GABRG1: variants seen among roughly 807,000 people sequenced by gnomAD.
GABRG1 encodes gamma-aminobutyric acid receptor subunit gamma-1.
GABRG1 carries 49 observed loss-of-function variants against 49.8 expected under a neutral mutation model. The observed-to-expected ratio is 0.98, with a 90% CI of 0.78 to 1.25. The LOEUF (loss-of-function observed/expected upper bound fraction) is 1.25, where lower values mean the gene tolerates loss of function less well. Ranked by LOEUF, GABRG1 falls within the 50% of genes most tolerant of loss-of-function variation. GABRG1 has a pLI of 0.00. For synonymous variants in GABRG1, 232 were observed against 185.1 expected, an observed-to-expected ratio of 1.25 and a Z score of -2.06; for missense variants, 552 against 552.3, an observed-to-expected ratio of 1.00 and a Z score of 0.01.
chr4:46,106,320 G>T (rs982243252), intron 1 of GABRG1, among the ~76,000 whole-genome samples: 10 of 151,350 alleles, frequency 6.6e-5, no homozygotes, highest in African/African-American at 2.2e-4. Context: ...ATGTTTGGTT[G>T]ATCAGTCCTT....
chr4:46,085,803 T>C (rs1411380495), intron 2 of GABRG1, among the ~76,000 whole-genome samples: 1 of 151,602 alleles, frequency 6.6e-6, no homozygotes, highest in Non-Finnish European at 1.5e-5. Context: ...ATTGACTAAG[T>C]ACTCTTTCTT....
At chr4:46,047,888 A>G (rs979020257) in intron 8 of GABRG1, among the ~76,000 whole-genome samples, 2 of 152,060 alleles carry the variant, frequency 1.3e-5, no homozygotes, top group African/African-American at 4.8e-5. Context: ...AAAGCAAAGA[A>G]CACATTCTAT....
intron 3 of GABRG1, among the ~76,000 whole-genome samples, chr4:46,081,866 G>A (rs1719586821): frequency 6.6e-6 from 1 of 151,830 alleles, no homozygotes; most frequent in Non-Finnish European, 1.5e-5. Context: ...GGGATGCACA[G>A]GCACAGAGAA....
chr4:46,059,249 C>T (rs1718575873), intron 5 of GABRG1, among the ~76,000 whole-genome samples: 3 of 152,126 alleles, frequency 2.0e-5, no homozygotes, highest in Non-Finnish European at 4.4e-5. Context: ...CATTATTATG[C>T]ATGCCTCCCG....
chr4:46,115,134 GA>G (rs1404381614), intron 1 of GABRG1, among the ~76,000 whole-genome samples: 1 of 150,640 alleles, frequency 6.6e-6, no homozygotes, highest in Non-Finnish European at 1.5e-5. Context: ...GAATTTATAA[GA>G]TATTATTTAA....
At chr4:46,060,577 G>T (rs1226570600) in intron 5 of GABRG1, among the ~76,000 whole-genome samples, 2 of 152,040 alleles carry the variant, frequency 1.3e-5, no homozygotes, top group Non-Finnish European at 2.9e-5. Flanking sequence ...AAGATTGGTA[G>T]CACATTACAT....
Position 46,082,992 on chromosome 4 carries a change from T to A in GABRG1, c.321+994A>T, listed in dbSNP as rs138667365. On this transcript the variant is annotated intron_variant, in intron 3 of 8. Coordinates refer to ENST00000295452, the MANE Select transcript of GABRG1 (RefSeq NM_173536.4). ...CTTTCTCATCTACATCTATATTTTGTCCTAACTTCTTCCCTGATAGCAAAT... is the reference window on the plus strand; with the variant it reads ...CTTTCTCATCTACATCTATATTTTGACCTAACTTCTTCCCTGATAGCAAAT... 9.2e-5 allele frequency among the ~76,000 whole-genome samples: 14 copies of A among 151,798 alleles called. No homozygotes were observed. The East Asian group carries it at 2.7e-3, about 30-fold the overall frequency.
intron 1 of GABRG1, among the ~76,000 whole-genome samples, chr4:46,123,415 A>G (rs1721154657): frequency 6.6e-6 from 1 of 152,136 alleles, no homozygotes; most frequent in Admixed American, 6.6e-5. Flanking sequence ...CATGCTGTGT[A>G]ACAACAAGTT....
intron 3 of GABRG1, among the ~76,000 whole-genome samples, chr4:46,071,283 T>C (rs1022975009): frequency 3.3e-5 from 5 of 151,838 alleles, no homozygotes; most frequent in Non-Finnish European, 5.9e-5. Flanking sequence ...CAGATTATCC[T>C]CTTTCTACTT....
intron 7 of GABRG1, among the ~76,000 whole-genome samples, chr4:46,056,150 T>A (rs1265993144): frequency 0.01 from 467 of 46,018 alleles, 53 homozygotes; most frequent in Middle Eastern, 0.022. Context: ...AATAAATAAA[T>A]TAAAAAAAAA....
chr4:46,082,634 C>T (rs1259899098), intron 3 of GABRG1, among the ~76,000 whole-genome samples: 1 of 151,834 alleles, frequency 6.6e-6, no homozygotes, highest in Non-Finnish European at 1.5e-5. Context: ...ATCAACACCA[C>T]CTACTTGTGA....
intron 1 of GABRG1, among the ~76,000 whole-genome samples, chr4:46,111,786 AT>A (rs1341095819): frequency 1.3e-5 from 2 of 151,342 alleles, no homozygotes; most frequent in Non-Finnish European, 3.0e-5. Context: ...TTGGCTAGCC[AT>A]ACGAAGAAGA....
chr4:46,043,831 A>C (rs1239756189), intron 8 of GABRG1, among the ~76,000 whole-genome samples: 1 of 151,998 alleles, frequency 6.6e-6, no homozygotes, highest in East Asian at 1.9e-4. Context: ...TATTAAGGAT[A>C]TATCTCTGTC....
intron 3 of GABRG1, among the ~76,000 whole-genome samples, chr4:46,080,998 G>A (rs866704690): frequency 6.6e-6 from 1 of 151,806 alleles, no homozygotes; most frequent in Non-Finnish European, 1.5e-5. Context: ...TCAGCTTATT[G>A]TATAGTAATT....
chr4:46,121,636 T>TG, intron 1 of GABRG1, among the ~76,000 whole-genome samples: 1 of 152,048 alleles, frequency 6.6e-6, no homozygotes. Context: ...TGATGCATCT[T>TG]AAAGAAAGCA....
At chr4:46,123,139 CACACAG>C (rs1264821867) in intron 1 of GABRG1, among the ~76,000 whole-genome samples, 2 of 148,638 alleles carry the variant, frequency 1.3e-5, no homozygotes, top group African/African-American at 5.1e-5. Flanking sequence ...CACACACACA[CACACAG>C]AGCCAAGACA....
chr4:46,065,234 A>G (rs1401992933), intron 4 of GABRG1, 130 bp downstream of exon 4: 1 of 587,982 alleles, frequency 1.7e-6, no homozygotes, highest in African/African-American at 1.9e-5. Flanking sequence ...TCACCATTTT[A>G]TATTTTAGCA....
At position 46,051,483 on chromosome 4, in the gene GABRG1, T is replaced by C. The variant is rs776576224; in HGVS notation, c.1072A>G (p.Thr358Ala). The change falls in exon 8 of 9, where the codon ACC becomes GCC. Residue 358 changes from threonine to alanine, a missense_variant. Coordinates refer to ENST00000295452, the MANE Select transcript of GABRG1 (RefSeq NM_173536.4). ...LMEYGTLHYFTSNQKGKTATK... is the reference protein window; with the variant it reads ...LMEYGTLHYFASNQKGKTATK... Reference sequence around the variant, plus strand: ...GCAGTCTTTCCTTTTTGGTTGCTGGTAAAATAATGCAAGGTTCCATATTCC... The same window carrying C: ...GCAGTCTTTCCTTTTTGGTTGCTGGCAAAATAATGCAAGGTTCCATATTCC... 1.2e-6 allele frequency: 2 copies of C among 1,611,014 alleles called. No homozygotes were observed. The highest frequency in any genetic ancestry group is 2.7e-5 in the African/African-American group (2 of 74,740).
chr4:46,103,911 G>A (rs1497559), intron 1 of GABRG1, among the ~76,000 whole-genome samples: 76,569 of 150,968 alleles, frequency 0.51, 19,774 homozygotes, highest in African/African-American at 0.55. Context: ...TAGCAATCAG[G>A]AGCCAAATTC....
Sources: gnomAD v4.1 joint callset for allele counts (sites outside exome capture counted in the v4.1 genomes callset) on GRCh38, gnomAD v4.1.1 for gene constraint, MANE v1.5 for transcripts, NCBI Gene and HGNC (gene_info 2026-07-23, HGNC 2026-07-21) for gene names.